Variants in GSDME observed in about 807,000 individuals in gnomAD.
The protein encoded by GSDME is gasdermin-E.
GSDME carries 44 observed loss-of-function variants against 47.5 expected under a neutral mutation model. The ratio of observed to expected loss-of-function variants is 0.93; its 90% confidence interval spans 0.73 to 1.19. The LOEUF (loss-of-function observed/expected upper bound fraction) is 1.19. Among genes scored for constraint, GSDME ranks in the 50% most tolerant of loss-of-function variants. GSDME has a pLI of 0.00. For synonymous variants in GSDME, 258 were observed against 252.8 expected, an observed-to-expected ratio of 1.02 and a Z score of -0.20; for missense variants, 663 against 604.2, an observed-to-expected ratio of 1.10 and a Z score of -1.02.
chr7:24,750,286 C>T (rs186614130), intron 1 of GSDME, among the ~76,000 whole-genome samples: 6 of 152,214 alleles, frequency 3.9e-5, no homozygotes, highest in Admixed American at 3.3e-4. Context: ...ATGGCTTCAA[C>T]CAACAATAAG....
chr7:24,703,899 A>C (rs141222390), intron 8 of GSDME: 3 of 152,310 alleles, frequency 2.0e-5, no homozygotes, highest in East Asian at 3.9e-4. Flanking sequence ...TATCCAGCTG[A>C]GCCTCTGTCC....
rs1166047100 is a variant in GSDME at position 24,745,308 on chromosome 7, C to T, written c.212-554G>A. Among the ~76,000 whole-genome samples, 1 of 152,154 alleles carries T rather than the reference C, an allele frequency of 6.6e-6. No homozygotes were observed. ...GATGCACCGCGAGAGGACAGCCTTC[C>T]TTGGCCACCTAGGCCTGTCTGGGGG... On this transcript the variant is annotated intron_variant, in intron 2 of 9. Coordinates refer to ENST00000645220, the MANE Select transcript of GSDME (RefSeq NM_001127453.2). The surrounding 1 kb of genome is among the most constrained non-coding windows in gnomAD (Gnocchi z 4.4).
chr7:24,734,340 T>C (rs1029334286), intron 3 of GSDME, among the ~76,000 whole-genome samples: 2 of 152,230 alleles, frequency 1.3e-5, no homozygotes, highest in African/African-American at 2.4e-5. Context: ...CAAGCCCAGA[T>C]TGCAAAGGCT....
In GSDME at chr7:24,736,323, A is replaced by T. The variant is rs1790304806; in HGVS notation, c.404+8239T>A. Among the ~76,000 whole-genome samples, 1 of 152,204 alleles carries T rather than the reference A, an allele frequency of 6.6e-6. No individual in the cohort carries two copies. The highest frequency in any genetic ancestry group is 2.4e-5 in the African/African-American group (1 of 41,460). On this transcript the variant is annotated intron_variant, in intron 3 of 9. Coordinates refer to ENST00000645220, the MANE Select transcript of GSDME (RefSeq NM_001127453.2). The surrounding 1 kb of genome is among the most constrained non-coding windows in gnomAD (Gnocchi z 4.6). ...ACACATATAGACTGAAAATAAAGGG[A>T]TGGAAAAAGCCCATGCAAATCACAG...
chr7:24,736,992 T>A lies in GSDME; in HGVS notation c.404+7570A>T, dbSNP rs1483721940. 6.6e-6 allele frequency among the ~76,000 whole-genome samples: 1 copy of A among 152,070 alleles called. No homozygotes were observed. Among genetic ancestry groups the A allele is most frequent in the Non-Finnish European group, 1.5e-5 (1 of 67,992 alleles). On this transcript the variant is annotated intron_variant, in intron 3 of 9. Coordinates refer to ENST00000645220, the MANE Select transcript of GSDME (RefSeq NM_001127453.2). The surrounding 1 kb of genome is among the most constrained non-coding windows in gnomAD (Gnocchi z 4.6). The stretch of plus-strand genomic sequence containing the variant: ...ATAACAGAAACACAACAGCAAAACC[T>A]ATGGGGTACATCAAAAGCAGTACTA...
chr7:24,763,128 C>G, the GSDME span, among the ~76,000 whole-genome samples: 2 of 152,182 alleles, frequency 1.3e-5, no homozygotes, highest in Non-Finnish European at 2.9e-5. The surrounding 1 kb of genome is among the most constrained non-coding windows in gnomAD (Gnocchi z 4.3). Flanking sequence ...ACCACAAATT[C>G]AATGCCTTTT....
At chr7:24,762,016 G>C (rs1416953423), upstream of GSDME, among the ~76,000 whole-genome samples, 1 of 152,114 alleles carries the variant, frequency 6.6e-6, no homozygotes, top group Non-Finnish European at 1.5e-5. Flanking sequence ...CACTTTGAGA[G>C]GCTGAGGTGG....
the GSDME span, among the ~76,000 whole-genome samples, chr7:24,785,387 A>G: frequency 6.6e-6 from 1 of 152,364 alleles, no homozygotes; most frequent in South Asian, 2.1e-4. Context: ...TCAACTAAAT[A>G]ATGATCACAA....
rs3038356 is a variant in GSDME, at chr7:24,744,923, C to CGTGTGTGTGTGTGTGTGTGT, written c.212-189_212-170dup. 7.5e-4 allele frequency among the ~76,000 whole-genome samples: 105 copies of CGTGTGTGTGTGTGTGTGTGT among 140,206 alleles called. 1 individual carries two copies. Among genetic ancestry groups the CGTGTGTGTGTGTGTGTGTGT allele is most frequent in the African/African-American group, 2.6e-3 (98 of 37,162 alleles). The allele number at this position is 140,206 out of a possible 152,430, so 92.0% of individuals were successfully genotyped here. On this transcript the variant is annotated intron_variant, in intron 2 of 9. Coordinates refer to ENST00000645220, the MANE Select transcript of GSDME (RefSeq NM_001127453.2). This position sits in a 1 kb window ranked among gnomAD's most constrained non-coding sequence, Gnocchi z 4.5. ...GTGTGGGCAAGAAAACAGGGCAGCA[C>CGTGTGTGTGTGTGTGTGTGT]GTGTGTGTGTGTGTGTGTGTGTGTG...
intron 2 of GSDME, among the ~76,000 whole-genome samples, chr7:24,747,142 AG>A (rs1387026910): frequency 1.3e-5 from 2 of 152,230 alleles, no homozygotes; most frequent in East Asian, 3.8e-4. Context: ...CCAATTACTC[AG>A]GAGTTCCTGG....
intron 3 of GSDME, among the ~76,000 whole-genome samples, chr7:24,729,681 G>T (rs768324672): frequency 6.6e-6 from 1 of 152,228 alleles, no homozygotes; most frequent in Non-Finnish European, 1.5e-5. Context: ...GGAGCCTGGA[G>T]TATTAATCCC....
chr7:24,701,342 C>T (rs1278835822), intron 9 of GSDME, among the ~76,000 whole-genome samples: 2 of 152,218 alleles, frequency 1.3e-5, no homozygotes, highest in African/African-American at 4.8e-5. Context: ...ACCTTCCATT[C>T]TGAACTCCGA....
intron 8 of GSDME, chr7:24,703,710 AAG>A (rs1384277122): frequency 4.6e-5 from 7 of 152,500 alleles, no homozygotes; most frequent in Admixed American, 2.6e-4. Flanking sequence ...GCTCGTTCTC[AAG>A]AGAGAGTGTA....
rs1412434207 is a variant in GSDME at position 24,716,463 on chromosome 7, A to C, written c.697+791T>G. 1 of 152,364 alleles carries C rather than the reference A, an allele frequency of 6.6e-6. No homozygotes were observed. The highest frequency in any genetic ancestry group is 6.5e-5 in the Admixed American group (1 of 15,294). The allele number at this position is 152,364 out of a possible 1,614,324, so 9.4% of individuals were successfully genotyped here. A position where few individuals can be genotyped will look rare whatever the true frequency, so the allele number is the denominator to read the frequency against. On this transcript the variant is annotated intron_variant, in intron 5 of 9. Coordinates refer to ENST00000645220, the MANE Select transcript of GSDME (RefSeq NM_001127453.2). The surrounding 1 kb of genome is among the most constrained non-coding windows in gnomAD (Gnocchi z 4.5). ...CATTGTCACACCTAAAAAACTTCAC[A>C]ATTTATTATGTTACATTTACCCACT...
Position 24,754,073 on chromosome 7 carries a change from A to G in GSDME, c.-20+3323T>C, listed in dbSNP as rs1038540304. 2.0e-5 allele frequency among the ~76,000 whole-genome samples: 3 copies of G among 152,246 alleles called. No individual in the cohort carries two copies. Among genetic ancestry groups the G allele is most frequent in the Admixed American group, 1.3e-4 (2 of 15,276 alleles). ...TGGATTAACATTTTCACAATGCTCC[A>G]ATTTGGGAGAAGATGAAAATGGCCT... On this transcript the variant is annotated intron_variant, in intron 1 of 9. Transcript: ENST00000645220. The surrounding 1 kb of genome is among the most constrained non-coding windows in gnomAD (Gnocchi z 5.0).
At chr7:24,761,543 G>T (rs936575497), upstream of GSDME, among the ~76,000 whole-genome samples, 1 of 152,176 alleles carries the variant, frequency 6.6e-6, no homozygotes, top group Non-Finnish European at 1.5e-5. This position sits in a 1 kb window ranked among gnomAD's most constrained non-coding sequence, Gnocchi z 4.4. Context: ...CATCCCAAAG[G>T]CCCCACCTCC....
the GSDME span, among the ~76,000 whole-genome samples, chr7:24,769,649 C>T: frequency 2.0e-5 from 3 of 152,308 alleles, no homozygotes; most frequent in African/African-American, 4.8e-5. Context: ...CTATACCTCT[C>T]CACCACATCA....
chr7:24,707,681 AAG>A lies in GSDME; in HGVS notation c.990+444_990+445del, dbSNP rs1377267457. On this transcript the variant is annotated intron_variant, in intron 7 of 9. Transcript: ENST00000645220. ...GTCTTTATAACAGACAGTAAAGGAG[AAG>A]ACACACACACACACACAGAGGGGAA... is the stretch of plus-strand genomic sequence containing the variant. The A allele has an allele frequency of 1.6e-4, 51 of 311,238 alleles. No individual in the cohort carries two copies. In the East Asian group the frequency reaches 3.9e-3, roughly 24 times the overall value. The allele number at this position is 311,238 out of a possible 1,614,324, so 19.3% of individuals were successfully genotyped here. A position where few individuals can be genotyped will look rare whatever the true frequency, so the allele number is the denominator to read the frequency against.
Position 24,750,778 on chromosome 7 carries a change from C to T in GSDME, c.-19-985G>A, listed in dbSNP as rs111739947. ...AAAGTAAGTAGCTATGGCTTTTTAACCCAGAAAATAAAGGCACAGTCATAC... is the reference window on the plus strand; with the variant it reads ...AAAGTAAGTAGCTATGGCTTTTTAATCCAGAAAATAAAGGCACAGTCATAC... On this transcript the variant is annotated intron_variant, in intron 1 of 9. Coordinates refer to ENST00000645220, the MANE Select transcript of GSDME (RefSeq NM_001127453.2). Among the ~76,000 whole-genome samples the T allele has an allele frequency of 2.5e-3, 385 of 152,066 alleles. 2 individuals are homozygous for T. Among genetic ancestry groups the T allele is most frequent in the African/African-American group, 8.8e-3 (367 of 41,474 alleles).
Sources: allele counts gnomAD v4.1 joint callset (sites outside exome capture counted in the v4.1 genomes callset), GRCh38; gene constraint gnomAD v4.1.1; non-coding constraint Gnocchi (gnomAD v3.1); transcripts MANE v1.5; gene names NCBI Gene and HGNC (gene_info 2026-07-23, HGNC 2026-07-21).